The following KIT variants were observed in gnomAD, a reference collection of about 807,000 sequenced individuals.
KIT encodes mast/stem cell growth factor receptor Kit.
KIT carries 16 observed loss-of-function variants against 105.7 expected under a neutral mutation model. The observed-to-expected ratio is 0.15, with a 90% CI of 0.10 to 0.23. The LOEUF is 0.23. Among genes scored for constraint, KIT ranks in the 10% least tolerant of loss-of-function variants. KIT has a pLI of 1.00. For synonymous variants in KIT, 438 were observed against 441.1 expected (o/e 0.99, Z 0.09); for missense variants, 858 against 1,213.8 (o/e 0.71, Z 4.36).
rs1719999027 is a variant in KIT, at chr4:54,695,539, G to A, written c.95G>A (p.Gly32Glu). 6.2e-7 allele frequency: 1 copy of A among 1,614,006 alleles called. No homozygotes were observed. Among genetic ancestry groups the A allele is most frequent in the Non-Finnish European group, 8.5e-7 (1 of 1,180,022 alleles). The stretch of plus-strand genomic sequence containing the variant: ...TCTTCTCAACCATCTGTGAGTCCAG[G>A]GGAACCGTCTCCACCATCCATCCAT... Reference protein sequence around the residue: ...TGSSQPSVSPGEPSPPSIHPG... With the variant: ...TGSSQPSVSPEEPSPPSIHPG... The change falls in exon 2 of 21, where the codon GGG (glycine) becomes GAG (glutamate). Residue 32 changes from glycine to glutamate, a missense_variant. Transcript: ENST00000288135.
intron 20 of KIT, among the ~76,000 whole-genome samples, chr4:54,737,884 A>T (rs1723018885): frequency 6.6e-6 from 1 of 152,200 alleles, no homozygotes; most frequent in Non-Finnish European, 1.5e-5. Flanking sequence ...ACTTTGACTC[A>T]GATTTTTTTA....
intron 1 of KIT, among the ~76,000 whole-genome samples, chr4:54,678,471 G>A (rs1024247060): frequency 6.6e-6 from 1 of 150,808 alleles, no homozygotes; most frequent in African/African-American, 2.4e-5. Context: ...TATAGTAGTA[G>A]TAACAACAGG....
chr4:54,697,075 A>T (rs1206291723), intron 2 of KIT, among the ~76,000 whole-genome samples: 1 of 152,236 alleles, frequency 6.6e-6, no homozygotes, highest in African/African-American at 2.4e-5. Context: ...AGATGTTTGA[A>T]TACTTAAGTA....
chr4:54,692,451 G>C (rs887088859), intron 1 of KIT, among the ~76,000 whole-genome samples: 1 of 152,148 alleles, frequency 6.6e-6, no homozygotes, highest in Non-Finnish European at 1.5e-5. Flanking sequence ...CATTGGCCTG[G>C]TGTGTCTCAG....
intron 3 of KIT, among the ~76,000 whole-genome samples, chr4:54,698,979 A>G (rs1241298803): frequency 1.3e-5 from 2 of 152,226 alleles, no homozygotes; most frequent in African/African-American, 4.8e-5. Context: ...ATCAATTGCA[A>G]TGCATCCTCA....
chr4:54,740,490 T>G lies in KIT; in HGVS notation c.*1933T>G, dbSNP rs1723182439. ...CAGTGGCTTAATGTTTGAAATTATT[T>G]TGTGGCTTTTTTTGTAAATATTGAA... is the stretch of plus-strand genomic sequence containing the variant. On this transcript the variant is annotated 3_prime_UTR_variant, in exon 21 of 21. Coordinates refer to ENST00000288135, the MANE Select transcript of KIT (RefSeq NM_000222.3). The G allele has an allele frequency of 4.3e-6, 1 of 233,336 alleles. No individual in the cohort carries two copies. Among genetic ancestry groups the G allele is most frequent in the East Asian group, 6.1e-5 (1 of 16,470 alleles). The allele number at this position is 233,336 out of a possible 1,614,324, so 14.5% of individuals were successfully genotyped here.
Position 54,737,166 on chromosome 4 carries a change from G to A in KIT, c.2697-9G>A, listed in dbSNP as rs1447568482. ...TGAGGAGGGATAGTAAATGGCCCTT[G>A]TCTTGCAGGTATGACATAATGAAGA... On this transcript the variant is annotated splice_polypyrimidine_tract_variant and intron_variant, in intron 19 of 20. Transcript: ENST00000288135. 1 of 1,588,878 alleles carries A rather than the reference G, an allele frequency of 6.3e-7. No individual in the cohort carries two copies. The highest frequency in any genetic ancestry group is 8.6e-7 in the Non-Finnish European group (1 of 1,157,052).
intron 5 of KIT, among the ~76,000 whole-genome samples, chr4:54,705,069 A>G (rs1387438327): frequency 6.6e-6 from 1 of 152,248 alleles, no homozygotes; most frequent in Non-Finnish European, 1.5e-5. Flanking sequence ...ATTTGAATAG[A>G]AGGCTATGCT....
chr4:54,698,156 G>A, intron 2 of KIT, 128 bp from the exon 3 acceptor site: 1 of 977,300 alleles, frequency 1.0e-6, no homozygotes, highest in Non-Finnish European at 1.6e-6. Flanking sequence ...TTTTGCTTTT[G>A]TTTACACAGA....
intron 1 of KIT, among the ~76,000 whole-genome samples, chr4:54,682,307 C>T (rs1202960691): frequency 6.6e-6 from 1 of 152,048 alleles, no homozygotes; most frequent in African/African-American, 2.4e-5. Flanking sequence ...ACAAGCTGGT[C>T]TTGAGCTCCT....
Position 54,740,545 on chromosome 4 carries a change from C to T in KIT, c.*1988C>T, listed in dbSNP as rs565225492. On this transcript the variant is annotated 3_prime_UTR_variant, in exon 21 of 21. Coordinates refer to ENST00000288135, the MANE Select transcript of KIT (RefSeq NM_000222.3). The stretch of plus-strand genomic sequence containing the variant: ...AGCAATAATGTCTTTTGAATATTCC[C>T]AAGCCCATGAGTCCTTGAAAATATT... 1.3e-5 allele frequency: 3 copies of T among 232,942 alleles called. No homozygotes were observed. The South Asian group carries it at 5.4e-4, about 42-fold the overall frequency. 14.4% of individuals were successfully genotyped at this position (232,942 alleles called of 1,614,324 possible). A position where few individuals can be genotyped will look rare whatever the true frequency, so the allele number is the denominator to read the frequency against.
chr4:54,709,564 T>A, intron 7 of KIT, 25 bp downstream of exon 7: 1 of 1,386,718 alleles, frequency 7.2e-7, no homozygotes, highest in Non-Finnish European at 1.0e-6. Flanking sequence ...GGGCTCCTTT[T>A]AATTTTTTAT....
chr4:54,728,784 C>T (rs1000841653), intron 13 of KIT, among the ~76,000 whole-genome samples: 2 of 152,118 alleles, frequency 1.3e-5, no homozygotes, highest in Non-Finnish European at 2.9e-5. Context: ...TAATTAGTTG[C>T]CTGTTACTTC....
intron 4 of KIT, among the ~76,000 whole-genome samples, chr4:54,702,679 C>A (rs1171100884): frequency 6.6e-6 from 1 of 152,164 alleles, no homozygotes; most frequent in East Asian, 1.9e-4. Context: ...TTACCACAAC[C>A]AACATATTGA....
At position 54,658,167 on chromosome 4, in the gene KIT, GGAGA is replaced by G. The variant is rs1485012660; in HGVS notation, c.67+90_67+93del. 9.5e-5 allele frequency: 130 copies of G among 1,371,492 alleles called. 2 individuals carry two copies. In the East Asian group the frequency reaches 2.5e-3, roughly 26 times the overall value. 85.0% of individuals were successfully genotyped at this position (1,371,492 alleles called of 1,614,324 possible). On this transcript the variant is annotated intron_variant, in intron 1 of 20. Coordinates refer to ENST00000288135, the MANE Select transcript of KIT (RefSeq NM_000222.3). ...GGGTGGTACCCGCCAGGGTGCATCC[GGAGA>G]GAGGACTGCGGGCCCTCAGTGCCCG... is the stretch of plus-strand genomic sequence containing the variant.
At chr4:54,696,795 C>T (rs527417630) in intron 2 of KIT, among the ~76,000 whole-genome samples, 177 of 152,334 alleles carry the variant, frequency 1.2e-3, no homozygotes, top group Non-Finnish European at 1.9e-3. Context: ...TTGTCCTTTC[C>T]GAAGTAGGTA....
Position 54,738,674 on chromosome 4 carries a change from C to T in KIT, c.*117C>T. The T allele has an allele frequency of 7.9e-7, 1 of 1,259,254 alleles. No individual in the cohort carries two copies. Among genetic ancestry groups the T allele is most frequent in the East Asian group, 2.3e-5 (1 of 43,302 alleles). The allele number at this position is 1,259,254 out of a possible 1,614,324, so 78.0% of individuals were successfully genotyped here. On this transcript the variant is annotated 3_prime_UTR_variant, in exon 21 of 21. Transcript: ENST00000288135. Reference sequence around the variant, plus strand: ...CTCCAGGATAGTGGGCACCCCACTGCAATCCTGTCTTTCTGAGCACACTTT... The same window carrying T: ...CTCCAGGATAGTGGGCACCCCACTGTAATCCTGTCTTTCTGAGCACACTTT...
intron 19 of KIT, 35 bp from the exon 20 acceptor site, chr4:54,737,140 T>G: frequency 7.3e-7 from 1 of 1,365,698 alleles, no homozygotes; most frequent in Non-Finnish European, 1.0e-6. Flanking sequence ...GCTGAGGGCA[T>G]TGAGGAGGGA....
intron 7 of KIT, among the ~76,000 whole-genome samples, chr4:54,717,508 G>A (rs1721583602): frequency 6.6e-6 from 1 of 152,096 alleles, no homozygotes; most frequent in Non-Finnish European, 1.5e-5. Flanking sequence ...ACAGGTTTAG[G>A]TATGTAGCCA....
Sources: gnomAD v4.1 joint callset for allele counts (sites outside exome capture counted in the v4.1 genomes callset) on GRCh38, gnomAD v4.1.1 for gene constraint, MANE v1.5 for transcripts, NCBI Gene and HGNC (gene_info 2026-07-23, HGNC 2026-07-21) for gene names.